AREL1: variants seen among roughly 807,000 people sequenced by gnomAD.
AREL1 encodes the protein apoptosis-resistant E3 ubiquitin protein ligase 1.
In AREL1, 62 loss-of-function variants were observed where a neutral mutation model predicts 99.0. The observed-to-expected ratio is 0.63, with a 90% CI of 0.51 to 0.77. The LOEUF (loss-of-function observed/expected upper bound fraction) is 0.77, where lower values mean the gene tolerates loss of function less well. Among genes scored for constraint, AREL1 ranks in the 30% least tolerant of loss-of-function variants. The probability of loss-of-function intolerance (pLI) is 0.00; values close to 1 mark genes in which losing one functional copy is unlikely to be tolerated. For missense variants in AREL1, 879 were observed against 1,027.6 expected, an observed-to-expected ratio of 0.86 and a Z score of 1.98; for synonymous variants, 380 against 376.5, an observed-to-expected ratio of 1.01 and a Z score of -0.11.
intron 6 of AREL1, 77 bp from the exon 7 acceptor site, chr14:74,676,398 C>T: frequency 6.6e-7 from 1 of 1,515,918 alleles, no homozygotes; most frequent in Non-Finnish European, 8.9e-7. Flanking sequence ...TTACAAAGAG[C>T]TTTCCTATCT....
At chr14:74,699,843 A>G (rs2090050758) in intron 1 of AREL1, among the ~76,000 whole-genome samples, 1 of 152,246 alleles carries the variant, frequency 6.6e-6, no homozygotes, top group Non-Finnish European at 1.5e-5. Context: ...AAAAGAAACG[A>G]ATCCGCTGCT....
chr14:74,705,073 C>T (rs2090151937), intron 1 of AREL1, among the ~76,000 whole-genome samples: 1 of 150,640 alleles, frequency 6.6e-6, no homozygotes, highest in Non-Finnish European at 1.5e-5. Flanking sequence ...GAGTTTCGCT[C>T]TTGTTGCCCA....
intron 14 of AREL1, 55 bp from the exon 15 acceptor site, chr14:74,669,829 G>A (rs772114316): frequency 1.4e-5 from 23 of 1,606,346 alleles, no homozygotes; most frequent in Non-Finnish European, 1.8e-5. Flanking sequence ...CCTGAAAGGT[G>A]TAACTGCTTA....
intron 15 of AREL1, among the ~76,000 whole-genome samples, chr14:74,668,630 A>T (rs2089260905): frequency 6.6e-6 from 1 of 152,156 alleles, no homozygotes; most frequent in African/African-American, 2.4e-5. Context: ...CAGCTCAGGA[A>T]GTTGGGTCTA....
At chr14:74,710,100 A>G (rs1321824581) in intron 1 of AREL1, among the ~76,000 whole-genome samples, 2 of 152,206 alleles carry the variant, frequency 1.3e-5, no homozygotes, top group African/African-American at 4.8e-5. Context: ...CATCCATCAC[A>G]AATCAACACT....
intron 2 of AREL1, 152 bp downstream of exon 2, chr14:74,691,889 A>T (rs929820247): frequency 6.2e-6 from 1 of 160,242 alleles, no homozygotes; most frequent in Non-Finnish European, 1.4e-5. Flanking sequence ...TGGTTTCTTC[A>T]TATTTAAAAT....
rs564026699 is a variant in AREL1, at chr14:74,687,702, C to G, written c.-45-2042G>C. Reference sequence around the variant, plus strand: ...GCTGTGAGGATTAAATGAGTTAACACATGTAAGCAGCCTACAGTAGTGCCT... The same window carrying G: ...GCTGTGAGGATTAAATGAGTTAACAGATGTAAGCAGCCTACAGTAGTGCCT... On this transcript the variant is annotated intron_variant, in intron 2 of 19. Transcript: ENST00000356357. Among the ~76,000 whole-genome samples, 3 of 152,284 alleles carry G rather than the reference C, an allele frequency of 2.0e-5. No individual in the cohort carries two copies. In the East Asian group the frequency reaches 5.8e-4, roughly 29 times the overall value.
chr14:74,675,654 C>T (rs529928890), intron 8 of AREL1, 45 bp downstream of exon 8: 2 of 1,589,426 alleles, frequency 1.3e-6, no homozygotes, highest in Admixed American at 3.4e-5. Context: ...CAATTACACA[C>T]AGGTTCAAGC....
At chr14:74,682,671 C>T (rs1158461763) in intron 5 of AREL1, among the ~76,000 whole-genome samples, 1 of 152,112 alleles carries the variant, frequency 6.6e-6, no homozygotes, top group Non-Finnish European at 1.5e-5. Context: ...GTGATGGGGT[C>T]ATAGGGGAGG....
intron 3 of AREL1, among the ~76,000 whole-genome samples, chr14:74,685,086 A>C (rs1456001380): frequency 6.6e-6 from 1 of 152,204 alleles, no homozygotes; most frequent in Non-Finnish European, 1.5e-5. Flanking sequence ...AGCTGCATAT[A>C]ATGTCCGCCC....
intron 1 of AREL1, among the ~76,000 whole-genome samples, chr14:74,694,350 A>T (rs57270744): frequency 2.0e-5 from 3 of 152,210 alleles, no homozygotes; most frequent in African/African-American, 7.2e-5. Context: ...TTTTTAAATG[A>T]CACTTTTAAG....
Position 74,662,859 on chromosome 14 carries a change from G to T in AREL1, c.*861C>A. ...CCCAGCTTTTAGCAGACTACATAATGGGGAAGTCAGTGGCCCAAGCCGGCC... is the reference window on the plus strand; with the variant it reads ...CCCAGCTTTTAGCAGACTACATAATTGGGAAGTCAGTGGCCCAAGCCGGCC... On this transcript the variant is annotated 3_prime_UTR_variant, in exon 20 of 20. Coordinates refer to ENST00000356357, the MANE Select transcript of AREL1 (RefSeq NM_001039479.2). 1 of 361,010 alleles carries T rather than the reference G, an allele frequency of 2.8e-6. No homozygotes were observed. The highest frequency in any genetic ancestry group is 4.9e-6 in the Non-Finnish European group (1 of 202,678). The allele number at this position is 361,010 out of a possible 1,614,324, so 22.4% of individuals were successfully genotyped here. A position where few individuals can be genotyped will look rare whatever the true frequency, so the allele number is the denominator to read the frequency against.
chr14:74,685,069 C>T (rs1378611702), intron 3 of AREL1, among the ~76,000 whole-genome samples: 1 of 152,222 alleles, frequency 6.6e-6, no homozygotes, highest in Non-Finnish European at 1.5e-5. Flanking sequence ...AACTCTTGCT[C>T]TATATGAGCT....
Position 74,676,496 on chromosome 14 carries a change from G to A in AREL1, c.651+87C>T. On this transcript the variant is annotated intron_variant, in intron 6 of 19. Coordinates refer to ENST00000356357, the MANE Select transcript of AREL1 (RefSeq NM_001039479.2). ...AGCACAGAAGTCAAGGAGAAGGAAA[G>A]AGAGATCGAAGTGAATTAGGTGTGA... 3.4e-6 allele frequency: 5 copies of A among 1,480,642 alleles called. No homozygotes were observed. In the South Asian group the frequency reaches 6.5e-5, roughly 19 times the overall value. 91.7% of individuals were successfully genotyped at this position (1,480,642 alleles called of 1,614,324 possible).
intron 2 of AREL1, 48 bp from the exon 3 acceptor site, chr14:74,685,708 A>G: frequency 6.5e-7 from 1 of 1,527,226 alleles, no homozygotes; most frequent in East Asian, 2.3e-5. Flanking sequence ...TCTGCCTCAT[A>G]GCTATCTCAG....
intron 1 of AREL1, among the ~76,000 whole-genome samples, 177 bp from the exon 2 acceptor site, chr14:74,692,505 T>C (rs944123773): frequency 1.3e-5 from 2 of 152,194 alleles, no homozygotes; most frequent in African/African-American, 4.8e-5. Context: ...CACAGTTTCC[T>C]TGAGGCCTCT....
intron 1 of AREL1, among the ~76,000 whole-genome samples, chr14:74,708,144 A>T (rs570330191): frequency 1.3e-5 from 2 of 152,274 alleles, no homozygotes; most frequent in East Asian, 3.9e-4. Context: ...ATGGTTATGT[A>T]AGAAGTTAAC....
At chr14:74,709,701 G>A (rs1345520404) in intron 1 of AREL1, among the ~76,000 whole-genome samples, 4 of 152,118 alleles carry the variant, frequency 2.6e-5, no homozygotes, top group Admixed American at 2.6e-4. Context: ...AATTAACAGC[G>A]ACTAATGTTT....
intron 9 of AREL1, 94 bp from the exon 10 acceptor site, chr14:74,673,312 A>T (rs976437748): frequency 4.6e-6 from 6 of 1,297,110 alleles, no homozygotes; most frequent in Non-Finnish European, 6.4e-6. Flanking sequence ...CAACAACAAT[A>T]AGTTAGGCTT....
Sources: gnomAD v4.1 joint callset for allele counts (sites outside exome capture counted in the v4.1 genomes callset) on GRCh38, gnomAD v4.1.1 for gene constraint, MANE v1.5 for transcripts, NCBI Gene and HGNC (gene_info 2026-07-23, HGNC 2026-07-21) for gene names.